MTUS1: variants seen among roughly 807,000 people sequenced by gnomAD.
MTUS1 encodes microtubule-associated tumor suppressor 1.
Under a neutral mutation model 120.8 loss-of-function variants are expected in MTUS1, and 109 were observed. That is an observed-to-expected ratio of 0.90 (90% CI 0.77 to 1.06). The LOEUF is 1.06. MTUS1 is among the 50% of genes least tolerant of loss of function. The pLI is 0.00. For missense variants in MTUS1, 2,210 were observed against 1,486.3 expected, an observed-to-expected ratio of 1.49 and a Z score of -8.01; for synonymous variants, 737 against 550.5, an observed-to-expected ratio of 1.34 and a Z score of -4.74.
At chr8:17,682,281 C>G (rs1052155355) in intron 7 of MTUS1, among the ~76,000 whole-genome samples, 1 of 152,060 alleles carries the variant, frequency 6.6e-6, no homozygotes, top group African/African-American at 2.4e-5. Context: ...TTTGGGAGGC[C>G]GAGGTGAGCG....
rs745614173 is a variant in MTUS1, at chr8:17,755,827, C to T, written c.-20G>A. 6.3e-7 allele frequency: 1 copy of T among 1,585,742 alleles called. No individual in the cohort carries two copies. Among genetic ancestry groups the T allele is most frequent in the South Asian group, 1.2e-5 (1 of 86,340 alleles). On this transcript the variant is annotated 5_prime_UTR_variant, in exon 2 of 15. Transcript: ENST00000693296. The stretch of plus-strand genomic sequence containing the variant: ...AGTCATCCTGAATAGTAACCTTAAA[C>T]CTCTGCCATTTTATTTCTTCTTCAA...
At chr8:17,670,067 A>G (rs1316345475) in intron 8 of MTUS1, among the ~76,000 whole-genome samples, 1 of 152,220 alleles carries the variant, frequency 6.6e-6, no homozygotes. Flanking sequence ...ACACAGACTG[A>G]CATGCACGTG....
intron 7 of MTUS1, among the ~76,000 whole-genome samples, chr8:17,679,057 G>C (rs563211175): frequency 6.6e-6 from 1 of 152,172 alleles, no homozygotes; most frequent in Non-Finnish European, 1.5e-5. Flanking sequence ...AAATATGTCT[G>C]CCACTACAGT....
intron 1 of MTUS1, among the ~76,000 whole-genome samples, chr8:17,784,456 C>T (rs1470618473): frequency 6.6e-6 from 1 of 152,102 alleles, no homozygotes; most frequent in Admixed American, 6.5e-5. Context: ...CCACCATGCC[C>T]GGCTAATTCT....
intron 6 of MTUS1, among the ~76,000 whole-genome samples, chr8:17,694,787 A>G (rs1188471659): frequency 6.6e-6 from 1 of 152,146 alleles, no homozygotes; most frequent in East Asian, 1.9e-4. Flanking sequence ...GTAAAAAAAT[A>G]AGGAGACAAA....
intron 6 of MTUS1, among the ~76,000 whole-genome samples, chr8:17,689,769 A>G (rs1332892007): frequency 6.6e-6 from 1 of 152,206 alleles, no homozygotes; most frequent in African/African-American, 2.4e-5. Context: ...CAAAGTCAGC[A>G]AAAATACATA....
intron 8 of MTUS1, among the ~76,000 whole-genome samples, chr8:17,658,933 CTA>C (rs1809062616): frequency 6.6e-6 from 1 of 151,270 alleles, no homozygotes; most frequent in Non-Finnish European, 1.5e-5. Context: ...TTAAATCAAT[CTA>C]CAAATGTTTA....
rs560904588 is a variant in MTUS1, at chr8:17,672,310, C to T, written c.2905+2876G>A. Among the ~76,000 whole-genome samples, 8 of 152,168 alleles carry T rather than the reference C, an allele frequency of 5.3e-5. No individual in the cohort carries two copies. The East Asian group carries it at 1.5e-3, about 29-fold the overall frequency. On this transcript the variant is annotated intron_variant, in intron 8 of 14. Transcript: ENST00000693296. Reference sequence around the variant, plus strand: ...CTAGATGCTTTACAATGCATTACCTCATGTAATCCTCACACCCACCCTTGG... The same window carrying T: ...CTAGATGCTTTACAATGCATTACCTTATGTAATCCTCACACCCACCCTTGG...
At chr8:17,798,578 C>T (rs890371998) in intron 1 of MTUS1, among the ~76,000 whole-genome samples, 2 of 152,192 alleles carry the variant, frequency 1.3e-5, no homozygotes, top group East Asian at 1.9e-4. Flanking sequence ...CTGATCCGCC[C>T]GCCTTGGCTT....
chr8:17,658,775 A>G (rs780342913), intron 8 of MTUS1, among the ~76,000 whole-genome samples: 6 of 152,192 alleles, frequency 3.9e-5, no homozygotes, highest in Non-Finnish European at 7.3e-5. Context: ...ATTTCCTACA[A>G]TGGTGTCAAC....
chr8:17,685,255 C>T (rs1250733857), intron 6 of MTUS1, among the ~76,000 whole-genome samples: 1 of 152,006 alleles, frequency 6.6e-6, no homozygotes, highest in Non-Finnish European at 1.5e-5. Context: ...CCAAATCCAC[C>T]CAAAATGCCA....
Position 17,683,359 on chromosome 8 carries a change from C to T in MTUS1, c.2838+969G>A, listed in dbSNP as rs541375666. Reference sequence around the variant, plus strand: ...AAGTCTCATCCACTTCTCTCTCTCCCCACTCCCTAAAAAGGCAGCCATATT... The same window carrying T: ...AAGTCTCATCCACTTCTCTCTCTCCTCACTCCCTAAAAAGGCAGCCATATT... On this transcript the variant is annotated intron_variant, in intron 7 of 14. Coordinates refer to ENST00000693296, the MANE Select transcript of MTUS1 (RefSeq NM_001363059.2). Among the ~76,000 whole-genome samples, 22 of 152,284 alleles carry T rather than the reference C, an allele frequency of 1.4e-4. No homozygotes were observed. In the South Asian group the frequency reaches 3.5e-3, roughly 24 times the overall value.
At chr8:17,721,822 G>A in intron 4 of MTUS1, 1 of 1,614,138 alleles carries the variant, frequency 6.2e-7, no homozygotes. Flanking sequence ...ACCAGCCGGT[G>A]GGGTGAGTGT....
At chr8:17,792,310 CCATAT>C (rs2051858447) in intron 1 of MTUS1, among the ~76,000 whole-genome samples, 1 of 152,112 alleles carries the variant, frequency 6.6e-6, no homozygotes, top group Admixed American at 6.6e-5. Flanking sequence ...ACAACTCACA[CCATAT>C]AAGGAGAAAA....
intron 1 of MTUS1, among the ~76,000 whole-genome samples, chr8:17,775,219 C>A (rs2050327869): frequency 6.6e-6 from 1 of 152,082 alleles, no homozygotes; most frequent in Non-Finnish European, 1.5e-5. Context: ...CTGAACCGTA[C>A]ACTCAAAAAT....
At chr8:17,675,485 C>T (rs1226167027) in intron 7 of MTUS1, among the ~76,000 whole-genome samples, 2 of 152,182 alleles carry the variant, frequency 1.3e-5, no homozygotes, top group Admixed American at 1.3e-4. Flanking sequence ...TGGTTTGACG[C>T]AGTGAATGGC....
chr8:17,755,932 T>G lies in MTUS1; in HGVS notation c.-125A>C. On this transcript the variant is annotated 5_prime_UTR_variant, in exon 2 of 15. Transcript: ENST00000693296. Reference sequence around the variant, plus strand: ...CAGTTGAAAGGTTTTCAGTCTAAGATGCTCTGAAGATTAAATGATTTGTTG... The same window carrying G: ...CAGTTGAAAGGTTTTCAGTCTAAGAGGCTCTGAAGATTAAATGATTTGTTG... 1 of 1,444,208 alleles carries G rather than the reference T, an allele frequency of 6.9e-7. No homozygotes were observed. Among genetic ancestry groups the G allele is most frequent in the South Asian group, 1.5e-5 (1 of 66,718 alleles). 89.5% of individuals were successfully genotyped at this position (1,444,208 alleles called of 1,614,324 possible). A position where few individuals can be genotyped will look rare whatever the true frequency, so the allele number is the denominator to read the frequency against.
chr8:17,760,190 T>G (rs372561532), intron 1 of MTUS1, among the ~76,000 whole-genome samples: 35 of 151,986 alleles, frequency 2.3e-4, no homozygotes, highest in African/African-American at 8.0e-4. Context: ...CACTTCAGCC[T>G]GGGTGACAGG....
At chr8:17,779,145 C>T (rs960056650) in intron 1 of MTUS1, among the ~76,000 whole-genome samples, 1 of 152,160 alleles carries the variant, frequency 6.6e-6, no homozygotes, top group Non-Finnish European at 1.5e-5. Context: ...GGTAAGGAGG[C>T]AGAGACTGGA....
Sources: allele counts gnomAD v4.1 joint callset (sites outside exome capture counted in the v4.1 genomes callset), GRCh38; gene constraint gnomAD v4.1.1; transcripts MANE v1.5; gene names NCBI Gene and HGNC (gene_info 2026-07-23, HGNC 2026-07-21).